SCAPER: variants seen among roughly 807,000 people sequenced by gnomAD.
SCAPER encodes S-phase cyclin A associated protein in the ER.
In SCAPER, 98 loss-of-function variants were observed where a neutral mutation model predicts 182.2. The ratio of observed to expected loss-of-function variants is 0.54; its 90% CI spans 0.46 to 0.64. SCAPER has a LOEUF of 0.64. SCAPER is among the 30% of genes least tolerant of loss of function. The probability of loss-of-function intolerance (pLI) is 0.00; values close to 1 mark genes in which losing one functional copy is unlikely to be tolerated. For missense variants in SCAPER, 1,432 were observed against 1,690.0 expected (o/e 0.85, Z 2.68); for synonymous variants, 605 against 564.6 (o/e 1.07, Z -1.01).
At chr15:76,526,695 C>A (rs1248731240) in intron 23 of SCAPER, among the ~76,000 whole-genome samples, 1 of 151,786 alleles carries the variant, frequency 6.6e-6, no homozygotes, top group African/African-American at 2.4e-5. Context: ...TTTTCCCTGT[C>A]AAGTTTATTT....
chr15:76,358,791 C>T (rs1463840165), intron 29 of SCAPER, among the ~76,000 whole-genome samples: 3 of 152,202 alleles, frequency 2.0e-5, no homozygotes, highest in Admixed American at 6.5e-5. Flanking sequence ...CAACCTCAGC[C>T]GGAATTATGT....
intron 20 of SCAPER, among the ~76,000 whole-genome samples, chr15:76,679,411 C>A (rs115426925): frequency 6.6e-6 from 1 of 152,112 alleles, no homozygotes; most frequent in Non-Finnish European, 1.5e-5. Flanking sequence ...AAATGCAATG[C>A]ATTTTTATCA....
chr15:76,759,182 TATG>T (rs1268274106), intron 14 of SCAPER, among the ~76,000 whole-genome samples: 1 of 152,212 alleles, frequency 6.6e-6, no homozygotes, highest in Non-Finnish European at 1.5e-5. Flanking sequence ...TTTTCCCAAT[TATG>T]ATGTTAACTG....
chr15:76,881,964 A>G (rs2073569133), intron 2 of SCAPER, among the ~76,000 whole-genome samples: 1 of 152,234 alleles, frequency 6.6e-6, no homozygotes, highest in African/African-American at 2.4e-5. Flanking sequence ...GAATTTCTCT[A>G]AATGAACACT....
chr15:76,733,303 G>C lies in SCAPER; in HGVS notation c.1948C>G (p.Gln650Glu). The part of the protein sequence containing the change: ...DVLSKLKEYE[Q>E]RLNELQEERQ... Reference sequence around the variant, plus strand: ...TCTTCCTGTAGCTCATTAAGCCTCTGTTCATATTCCTTCAATTTTGATAAA... The same window carrying C: ...TCTTCCTGTAGCTCATTAAGCCTCTCTTCATATTCCTTCAATTTTGATAAA... Residue 650 changes from glutamine to glutamate, a missense_variant, in exon 16 of 32, where the codon CAG becomes GAG. Physicochemically the swap from Gln to Glu is conservative, Grantham distance 29 (BLOSUM62 2). Coordinates refer to ENST00000563290, the MANE Select transcript of SCAPER (RefSeq NM_020843.4). 6.2e-7 allele frequency: 1 copy of C among 1,612,492 alleles called. No individual in the cohort carries two copies. Among genetic ancestry groups the C allele is most frequent in the Admixed American group, 1.7e-5 (1 of 59,884 alleles).
chr15:76,358,488 T>C (rs963004724), intron 29 of SCAPER, among the ~76,000 whole-genome samples: 1 of 152,240 alleles, frequency 6.6e-6, no homozygotes, highest in African/African-American at 2.4e-5. Context: ...AAGTCTGGTA[T>C]CAGGGAACCA....
intron 14 of SCAPER, among the ~76,000 whole-genome samples, chr15:76,763,358 G>T (rs747303531): frequency 3.0e-4 from 44 of 147,188 alleles, no homozygotes; most frequent in Non-Finnish European, 5.4e-4. Flanking sequence ...GGGGGTGGTG[G>T]GGGGGCAGGT....
chr15:76,585,282 A>G (rs2048559077), intron 22 of SCAPER, among the ~76,000 whole-genome samples: 1 of 152,198 alleles, frequency 6.6e-6, no homozygotes, highest in African/African-American at 2.4e-5. Context: ...ATTACTGTTC[A>G]CTGATAGTAT....
intron 5 of SCAPER, among the ~76,000 whole-genome samples, chr15:76,825,494 A>G (rs960537132): frequency 1.3e-5 from 2 of 152,156 alleles, no homozygotes; most frequent in East Asian, 3.9e-4. Context: ...CTTTCAAACC[A>G]TATTTGTCCA....
At chr15:76,587,926 CTT>C (rs377318110) in intron 22 of SCAPER, among the ~76,000 whole-genome samples, 14 of 144,366 alleles carry the variant, frequency 9.7e-5, no homozygotes, top group Admixed American at 1.4e-4. Context: ...TTTTTCTTTT[CTT>C]TTTTTTTTTT....
chr15:76,860,074 CAATT>C lies in SCAPER; in HGVS notation c.125-2199_125-2196del, dbSNP rs568673916. Among the ~76,000 whole-genome samples, 346 of 152,122 alleles carry C rather than the reference CAATT, an allele frequency of 2.3e-3. 1 individual carries two copies. Among genetic ancestry groups the C allele is most frequent in the African/African-American group, 8.0e-3 (332 of 41,478 alleles). ...AATGAAGCTTTAAAATTGTACTGGCCAATTATTTATGTTCTTGTATGAAAAATCG... is the reference window on the plus strand; with the variant it reads ...AATGAAGCTTTAAAATTGTACTGGCCATTTATGTTCTTGTATGAAAAATCG... On this transcript the variant is annotated intron_variant, in intron 3 of 31. Transcript: ENST00000563290.
In SCAPER at chr15:76,872,712, TATA is replaced by T. The variant is rs1212235846; in HGVS notation, c.7-10182_7-10180del. On this transcript the variant is annotated intron_variant, in intron 2 of 31. Coordinates refer to ENST00000563290, the MANE Select transcript of SCAPER (RefSeq NM_020843.4). ...ATTATACTATACTATATTAATACAG[TATA>T]ATAATCTAGGTTTGCATGCAAATGA... Among the ~76,000 whole-genome samples the T allele has an allele frequency of 2.6e-5, 4 of 151,502 alleles. No homozygotes were observed. The South Asian group carries it at 8.3e-4, about 31-fold the overall frequency.
At chr15:76,385,839 A>G (rs2043254473) in intron 27 of SCAPER, among the ~76,000 whole-genome samples, 1 of 152,218 alleles carries the variant, frequency 6.6e-6, no homozygotes, top group Non-Finnish European at 1.5e-5. Context: ...ACAGTCTAAT[A>G]GGGGCTGGTG....
chr15:76,902,306 T>C (rs1170546370), intron 1 of SCAPER, among the ~76,000 whole-genome samples: 3 of 152,212 alleles, frequency 2.0e-5, no homozygotes, highest in Non-Finnish European at 4.4e-5. Context: ...GAATATGTGA[T>C]TGTAAAAGTC....
chr15:76,717,081 CT>C (rs1798991888), intron 17 of SCAPER, among the ~76,000 whole-genome samples: 2 of 146,262 alleles, frequency 1.4e-5, no homozygotes, highest in African/African-American at 5.0e-5. Context: ...TATCATTGGA[CT>C]TTTCTGCAGA....
rs151132634 is a variant in SCAPER, at chr15:76,825,255, AT to A, written c.393+16478del. 4.7e-5 allele frequency among the ~76,000 whole-genome samples: 7 copies of A among 150,454 alleles called. No homozygotes were observed. In the South Asian group the frequency reaches 6.3e-4, roughly 14 times the overall value. On this transcript the variant is annotated intron_variant, in intron 5 of 31. Coordinates refer to ENST00000563290, the MANE Select transcript of SCAPER (RefSeq NM_020843.4). The stretch of plus-strand genomic sequence containing the variant: ...CACAAAGGTTGAATACAATTTGGTG[AT>A]TTTTTTTTTAAATCACACAACTAGC...
chr15:76,395,918 C>T (rs1209401712), intron 27 of SCAPER, among the ~76,000 whole-genome samples: 1 of 152,054 alleles, frequency 6.6e-6, no homozygotes, highest in Non-Finnish European at 1.5e-5. Flanking sequence ...AAATTTTTGC[C>T]CAGTACAATG....
intron 17 of SCAPER, among the ~76,000 whole-genome samples, chr15:76,725,124 G>C (rs988058871): frequency 1.6e-4 from 25 of 151,952 alleles, no homozygotes; most frequent in Non-Finnish European, 1.9e-4. Context: ...AATTTTAAAA[G>C]CACTTAAGAG....
chr15:76,699,336 G>A (rs1027051913), intron 20 of SCAPER, among the ~76,000 whole-genome samples: 6 of 152,092 alleles, frequency 3.9e-5, no homozygotes, highest in African/African-American at 7.2e-5. Context: ...TCCTTGTCTC[G>A]TTCCAGTTCT....
Sources: allele counts gnomAD v4.1 joint callset (sites outside exome capture counted in the v4.1 genomes callset), GRCh38; gene constraint gnomAD v4.1.1; transcripts MANE v1.5; gene names NCBI Gene and HGNC (gene_info 2026-07-23, HGNC 2026-07-21).